The following NBAS variants were observed in gnomAD, a reference collection of about 807,000 sequenced individuals.
NBAS encodes NBAS subunit of NRZ tethering complex, also known as NAG/BC035112 fusion.
NBAS carries 219 observed loss-of-function variants against 302.5 expected under a neutral mutation model. The ratio of observed to expected loss-of-function variants is 0.72; its 90% CI spans 0.65 to 0.81. The LOEUF is 0.81. Among genes scored for constraint, NBAS ranks in the 30% least tolerant of loss-of-function variants. The pLI is 0.00. For synonymous variants in NBAS, 1,118 were observed against 1,021.6 expected (o/e 1.09, Z -1.80); for missense variants, 2,932 against 2,841.6 (o/e 1.03, Z -0.72).
At chr2:15,524,104 C>T (rs572570823) in intron 9 of NBAS, among the ~76,000 whole-genome samples, 8 of 152,318 alleles carry the variant, frequency 5.3e-5, no homozygotes, top group African/African-American at 1.7e-4. Context: ...TTAAAGGTAG[C>T]ACATAAAAGC....
the NBAS span, among the ~76,000 whole-genome samples, chr2:14,875,399 G>A: frequency 6.6e-6 from 1 of 152,108 alleles, no homozygotes; most frequent in Admixed American, 6.5e-5. Context: ...TGGCGAACAC[G>A]AGGTCAGGAG....
Position 15,275,674 on chromosome 2 carries a change from G to C in NBAS, c.5534C>G (p.Ser1845Cys). The part of the protein sequence containing the change: ...EKDGQMLSPS[S>C]LYTIWLQKLF... ...CTTCTGTAACCAGATGGTGTACAGA[G>C]AGCTTGGGGAAAGCATCTGTCCATC... The change falls in exon 44 of 52, where the codon TCT becomes TGT. Residue 1845 changes from serine (S) to cysteine (C), a missense_variant. Ser to Cys is a moderately radical substitution (Grantham distance 112). Coordinates refer to ENST00000281513, the MANE Select transcript of NBAS (RefSeq NM_015909.4). 2 of 1,614,200 alleles carry C rather than the reference G, an allele frequency of 1.2e-6. No individual in the cohort carries two copies. Among genetic ancestry groups the C allele is most frequent in the Non-Finnish European group, 1.7e-6 (2 of 1,180,042 alleles).
At chr2:15,429,037 C>CAAA (rs11405002) in intron 21 of NBAS, among the ~76,000 whole-genome samples, 1 of 132,524 alleles carries the variant, frequency 7.5e-6, no homozygotes, top group Non-Finnish European at 1.6e-5. Flanking sequence ...TACTCTGTCT[C>CAAA]AAAAAAAAAA....
intron 32 of NBAS, among the ~76,000 whole-genome samples, chr2:15,364,029 G>A (rs1265714205): frequency 6.6e-6 from 1 of 152,148 alleles, no homozygotes; most frequent in African/African-American, 2.4e-5. Flanking sequence ...AGGAAACTGA[G>A]GCCTCTTACC....
At chr2:15,021,860 G>T in the NBAS span, among the ~76,000 whole-genome samples, 1,891 of 152,238 alleles carry the variant, frequency 0.012, 42 homozygotes, top group African/African-American at 0.044. Context: ...TCTTTATTCA[G>T]GGAAACTGGG....
chr2:14,928,929 A>C, the NBAS span, among the ~76,000 whole-genome samples: 1 of 152,164 alleles, frequency 6.6e-6, no homozygotes, highest in Admixed American at 6.5e-5. Context: ...TGCTCTTGTG[A>C]GGAGAGCTTT....
chr2:15,454,530 T>C (rs1222461757), intron 21 of NBAS, among the ~76,000 whole-genome samples: 2 of 152,226 alleles, frequency 1.3e-5, no homozygotes, highest in Non-Finnish European at 2.9e-5. Context: ...ACAACTTACA[T>C]GTTACACAAA....
intron 12 of NBAS, among the ~76,000 whole-genome samples, chr2:15,487,920 C>A (rs1363905380): frequency 6.6e-6 from 1 of 152,138 alleles, no homozygotes; most frequent in Non-Finnish European, 1.5e-5. Context: ...GAGAAAATAT[C>A]TTCCTAAAGC....
intron 8 of NBAS, among the ~76,000 whole-genome samples, chr2:15,535,855 T>C (rs776805449): frequency 1.3e-5 from 2 of 152,146 alleles, no homozygotes; most frequent in Admixed American, 1.3e-4. Flanking sequence ...ACTATTAGAA[T>C]AGGCAAAACT....
At chr2:15,037,000 G>A in the NBAS span, among the ~76,000 whole-genome samples, 1 of 152,174 alleles carries the variant, frequency 6.6e-6, no homozygotes, top group Non-Finnish European at 1.5e-5. Context: ...GGCAATGGGT[G>A]GAGGTATAGG....
At position 15,554,152 on chromosome 2, in the gene NBAS, A is replaced by G. The variant is rs1391501986; in HGVS notation, c.210-14T>C. 7 of 1,608,218 alleles carry G rather than the reference A, an allele frequency of 4.4e-6. No homozygotes were observed. The highest frequency in any genetic ancestry group is 6.0e-6 in the Non-Finnish European group (7 of 1,175,620). ...AAAGGTGCCGGGCTGAAATCACAACACATTAGTTAGCTTAAAATCTAATCA... is the reference window on the plus strand; with the variant it reads ...AAAGGTGCCGGGCTGAAATCACAACGCATTAGTTAGCTTAAAATCTAATCA... On this transcript the variant is annotated splice_polypyrimidine_tract_variant and intron_variant, in intron 3 of 51. Transcript: ENST00000281513.
At chr2:14,904,057 T>C in the NBAS span, among the ~76,000 whole-genome samples, 393 of 152,378 alleles carry the variant, frequency 2.6e-3, 4 homozygotes, top group African/African-American at 8.3e-3. Context: ...TTTCTCATTT[T>C]GTGTTTTCAC....
At chr2:15,101,552 G>T in the NBAS span, among the ~76,000 whole-genome samples, 1 of 151,922 alleles carries the variant, frequency 6.6e-6, no homozygotes, top group African/African-American at 2.4e-5. Context: ...TTTAAAAAAA[G>T]AATTTTCATC....
chr2:14,792,967 G>T, the NBAS span, among the ~76,000 whole-genome samples: 2 of 152,026 alleles, frequency 1.3e-5, no homozygotes, highest in South Asian at 2.1e-4. Context: ...AGTAATTAAG[G>T]TTCAATAAAG....
At chr2:14,884,540 G>T in the NBAS span, among the ~76,000 whole-genome samples, 2 of 152,168 alleles carry the variant, frequency 1.3e-5, no homozygotes, top group African/African-American at 2.4e-5. Context: ...GCATCCTAAA[G>T]ATGTGCACAC....
the NBAS span, among the ~76,000 whole-genome samples, chr2:14,821,959 G>A: frequency 1.3e-5 from 2 of 152,076 alleles, no homozygotes; most frequent in African/African-American, 2.4e-5. Flanking sequence ...CTTGAACTCG[G>A]GGGAAGGAGG....
chr2:15,267,689 T>A lies in NBAS; in HGVS notation c.5724+7795A>T, dbSNP rs562470942. Among the ~76,000 whole-genome samples, 4 of 152,248 alleles carry A rather than the reference T, an allele frequency of 2.6e-5. No homozygotes were observed. In the East Asian group the frequency reaches 7.7e-4, roughly 29 times the overall value. On this transcript the variant is annotated intron_variant, in intron 44 of 51. Transcript: ENST00000281513. ...GATGTAATGTATATACCAAAAATTA[T>A]AAAGGTCAATGTAATTTAATATAAA... is the stretch of plus-strand genomic sequence containing the variant.
intron 48 of NBAS, among the ~76,000 whole-genome samples, chr2:15,209,909 C>G (rs959814367): frequency 6.6e-6 from 1 of 152,166 alleles, no homozygotes; most frequent in Non-Finnish European, 1.5e-5. Flanking sequence ...GCTAGGAAAA[C>G]TGGATATCCA....
chr2:15,330,755 C>A lies in NBAS; in HGVS notation c.4190G>T (p.Gly1397Val). Reference protein sequence around the residue: ...TSKAVQEDEVGVPGSNSADLL... With the variant: ...TSKAVQEDEVVVPGSNSADLL... The stretch of plus-strand genomic sequence containing the variant: ...GTCAGCTGAATTGCTACCTGGAACA[C>A]CTACTTCATCCTGTATTAAAGAAAC... Residue 1397 changes from glycine (G) to valine (V), a missense_variant, in exon 36 of 52, where the codon GGT becomes GTT. Gly to Val is a moderately radical substitution (Grantham distance 109, BLOSUM62 -3). Coordinates refer to ENST00000281513, the MANE Select transcript of NBAS (RefSeq NM_015909.4). 8 of 1,613,764 alleles carry A rather than the reference C, an allele frequency of 5.0e-6. No individual in the cohort carries two copies. The highest frequency in any genetic ancestry group is 6.8e-6 in the Non-Finnish European group (8 of 1,179,828).
Sources: allele counts gnomAD v4.1 joint callset (sites outside exome capture counted in the v4.1 genomes callset), GRCh38; gene constraint gnomAD v4.1.1; transcripts MANE v1.5; gene names NCBI Gene and HGNC (gene_info 2026-07-23, HGNC 2026-07-21).